ABCC5: variants seen among roughly 807,000 people sequenced by gnomAD.
ABCC5 encodes ATP-binding cassette sub-family C member 5.
ABCC5 carries 61 observed loss-of-function variants against 160.9 expected under a neutral mutation model. The ratio of observed to expected loss-of-function variants is 0.38; its 90% CI spans 0.31 to 0.47. The LOEUF (loss-of-function observed/expected upper bound fraction) is 0.47. ABCC5 is among the 20% of genes least tolerant of loss of function. The probability of loss-of-function intolerance (pLI) is 0.99; values close to 1 mark genes in which losing one functional copy is unlikely to be tolerated. For synonymous variants in ABCC5, 666 were observed against 700.6 expected, an observed-to-expected ratio of 0.95 and a Z score of 0.78; for missense variants, 1,308 against 1,813.3, an observed-to-expected ratio of 0.72 and a Z score of 5.06.
intron 15 of ABCC5, 45 bp from the exon 16 acceptor site, chr3:183,961,699 T>C: frequency 1.2e-6 from 2 of 1,609,428 alleles, no homozygotes; most frequent in East Asian, 2.2e-5. Context: ...TTTGTGCAAA[T>C]ACATTCAAAA....
Position 183,928,258 on chromosome 3 carries a change from C to T in ABCC5, c.3933+489G>A, listed in dbSNP as rs1712802475. Among the ~76,000 whole-genome samples, 2 of 152,072 alleles carry T rather than the reference C, an allele frequency of 1.3e-5. 1 individual carries two copies. On this transcript the variant is annotated intron_variant, in intron 27 of 29. Transcript: ENST00000334444. ...TCCTGAGTAGCTGGGATTACAGGTG[C>T]ATGCCACCACACCCGGCTAATTTTT...
intron 14 of ABCC5, among the ~76,000 whole-genome samples, chr3:183,964,909 T>TA (rs1350346881): frequency 6.6e-6 from 1 of 152,198 alleles, no homozygotes; most frequent in African/African-American, 2.4e-5. Flanking sequence ...CTTGTAGTTT[T>TA]AAAAATATCT....
At position 183,920,661 on chromosome 3, in the gene ABCC5, A is replaced by C. The variant is rs1711884003; in HGVS notation, c.*639T>G. 1 of 152,676 alleles carries C rather than the reference A, an allele frequency of 6.5e-6. No homozygotes were observed. The highest frequency in any genetic ancestry group is 2.4e-5 in the African/African-American group (1 of 41,460). The allele number at this position is 152,676 out of a possible 1,614,324, so 9.5% of individuals were successfully genotyped here. ...CAGAAGGCAGGAGCCCTGAGAACTC[A>C]CGGCGCTCTGCATGGTCTCCAGCCG... is the stretch of plus-strand genomic sequence containing the variant. On this transcript the variant is annotated 3_prime_UTR_variant, in exon 30 of 30. Transcript: ENST00000334444. The surrounding 1 kb of genome is among the most constrained non-coding windows in gnomAD (Gnocchi z 4.1).
chr3:183,932,306 A>C (rs754058927), intron 26 of ABCC5, among the ~76,000 whole-genome samples: 2 of 152,204 alleles, frequency 1.3e-5, no homozygotes, highest in Non-Finnish European at 2.9e-5. Context: ...AGGTGAAAAA[A>C]GTTAAGAGGA....
intron 10 of ABCC5, among the ~76,000 whole-genome samples, chr3:183,976,463 C>T (rs1343919431): frequency 1.3e-5 from 2 of 151,956 alleles, no homozygotes; most frequent in Non-Finnish European, 2.9e-5. Flanking sequence ...CTGTGTTGCC[C>T]AGGCTGGTCT....
intron 1 of ABCC5, among the ~76,000 whole-genome samples, chr3:184,016,793 T>C (rs1722228655): frequency 1.3e-5 from 2 of 152,160 alleles, no homozygotes; most frequent in Admixed American, 6.5e-5. Flanking sequence ...GCTGCCCTTT[T>C]TTACCAAGAT....
chr3:183,995,206 T>A (rs1184708051), intron 2 of ABCC5, among the ~76,000 whole-genome samples: 2 of 152,152 alleles, frequency 1.3e-5, no homozygotes, highest in Non-Finnish European at 2.9e-5. Flanking sequence ...CTTTGTCATA[T>A]GATTTGCAAA....
chr3:183,958,907 A>G (rs916788876), intron 17 of ABCC5, among the ~76,000 whole-genome samples: 15 of 152,140 alleles, frequency 9.9e-5, no homozygotes, highest in African/African-American at 3.6e-4. Flanking sequence ...GACCTCCTGC[A>G]GTTTTAAGGA....
At chr3:183,957,776 GTAAATC>G (rs1716292573) in intron 17 of ABCC5, among the ~76,000 whole-genome samples, 1 of 148,726 alleles carries the variant, frequency 6.7e-6, no homozygotes, top group African/African-American at 2.5e-5. Flanking sequence ...TCGGTTACAC[GTAAATC>G]CGTGTGTATA....
Position 183,977,562 on chromosome 3 carries a change from T to G in ABCC5, c.1359A>C (p.Ser453=), listed in dbSNP as rs1206973673. Residue 453 remains serine, a synonymous_variant, in exon 10 of 30, where the codon TCA becomes TCC. Transcript: ENST00000334444. Reference sequence around the variant, plus strand: ...CTGAGGCTTCTGAGAGGGACTTTACTGAAAACGGTGTTACTTTCAAAGCAA... The same window carrying G: ...CTGAGGCTTCTGAGAGGGACTTTACGGAAAACGGTGTTACTTTCAAAGCAA... The part of the protein sequence containing the change: ...MTFALKVTPF[S]VKSLSEASVA... The G allele has an allele frequency of 3.1e-6, 5 of 1,613,982 alleles. No individual in the cohort carries two copies. The African/African-American group carries it at 6.7e-5, about 22-fold the overall frequency.
rs1054309888 is a variant in ABCC5 at position 183,946,377 on chromosome 3, T to C, written c.3415-438A>G. On this transcript the variant is annotated intron_variant, in intron 23 of 29. Coordinates refer to ENST00000334444, the MANE Select transcript of ABCC5 (RefSeq NM_005688.4). ...ATGAGTGAGTCTGGAGCCCCTGTGCTCCATAGACTGCGGAGTCTAAAAACA... is the reference window on the plus strand; with the variant it reads ...ATGAGTGAGTCTGGAGCCCCTGTGCCCCATAGACTGCGGAGTCTAAAAACA... Among the ~76,000 whole-genome samples, 5 of 152,270 alleles carry C rather than the reference T, an allele frequency of 3.3e-5. No homozygotes were observed. The South Asian group carries it at 8.3e-4, about 25-fold the overall frequency.
intron 16 of ABCC5, among the ~76,000 whole-genome samples, chr3:183,961,114 T>C (rs1302064379): frequency 6.6e-6 from 1 of 152,138 alleles, no homozygotes; most frequent in African/African-American, 2.4e-5. Context: ...GTATGCAATA[T>C]TTAATTTCCC....
chr3:184,005,808 G>A (rs892049681), intron 2 of ABCC5, among the ~76,000 whole-genome samples: 2 of 151,422 alleles, frequency 1.3e-5, no homozygotes, highest in Non-Finnish European at 2.9e-5. Flanking sequence ...AAGCATTAAC[G>A]GAAACCCACC....
chr3:184,014,364 T>A lies in ABCC5; in HGVS notation c.29A>T (p.Tyr10Phe). ...TCTATACCCAGGACTGGGGATGATA[T>A]ACTCTTTTCCTATGTCGATATCCTT... Reference protein sequence around the residue: MKDIDIGKEYIIPSPGYRSV... With the variant: MKDIDIGKEFIIPSPGYRSV... The change falls in exon 2 of 30, where the codon TAT (tyrosine) becomes TTT (phenylalanine). Residue 10 changes from tyrosine (Y) to phenylalanine (F), a missense_variant. Tyr to Phe is a conservative substitution (Grantham distance 22). Coordinates refer to ENST00000334444, the MANE Select transcript of ABCC5 (RefSeq NM_005688.4). 6.2e-7 allele frequency: 1 copy of A among 1,613,810 alleles called. No homozygotes were observed. Among genetic ancestry groups the A allele is most frequent in the Non-Finnish European group, 8.5e-7 (1 of 1,179,786 alleles).
chr3:183,923,995 A>G (rs1211918673), intron 29 of ABCC5, among the ~76,000 whole-genome samples: 4 of 129,462 alleles, frequency 3.1e-5, no homozygotes, highest in Non-Finnish European at 6.5e-5. Context: ...AAATCCCACC[A>G]ATTTTTACTG....
At position 183,988,850 on chromosome 3, in the gene ABCC5, A is replaced by C; in HGVS notation, c.288-123T>G. 2 of 1,151,300 alleles carry C rather than the reference A, an allele frequency of 1.7e-6. No homozygotes were observed. The highest frequency in any genetic ancestry group is 1.6e-5 in the South Asian group (1 of 62,552). 71.3% of individuals were successfully genotyped at this position (1,151,300 alleles called of 1,614,324 possible). On this transcript the variant is annotated intron_variant, in intron 3 of 29. Coordinates refer to ENST00000334444, the MANE Select transcript of ABCC5 (RefSeq NM_005688.4). The surrounding 1 kb of genome is among the most constrained non-coding windows in gnomAD (Gnocchi z 4.4). ...AAGACCAGTCTCCCCAGATGATCTA[A>C]TCTTAGCCTGAATGTTCTAAAACGG...
At chr3:183,979,927 G>A (rs1718563710) in intron 8 of ABCC5, among the ~76,000 whole-genome samples, 1 of 151,946 alleles carries the variant, frequency 6.6e-6, no homozygotes, top group Non-Finnish European at 1.5e-5. Context: ...CGAGGCTGGA[G>A]TGCAGTGGTG....
At chr3:184,001,214 C>A in intron 2 of ABCC5, 2 of 530,742 alleles carry the variant, frequency 3.8e-6, no homozygotes, top group Non-Finnish European at 3.4e-6. Flanking sequence ...GGTCATGCCA[C>A]CGCACTACAG....
chr3:183,944,530 G>A (rs1714667147), intron 24 of ABCC5, among the ~76,000 whole-genome samples: 1 of 152,198 alleles, frequency 6.6e-6, no homozygotes, highest in South Asian at 2.1e-4. Context: ...ACAGATGCTT[G>A]TAAAGTCTCA....
Sources: allele counts gnomAD v4.1 joint callset (sites outside exome capture counted in the v4.1 genomes callset), GRCh38; gene constraint gnomAD v4.1.1; non-coding constraint Gnocchi (gnomAD v3.1); transcripts MANE v1.5; gene names NCBI Gene and HGNC (gene_info 2026-07-23, HGNC 2026-07-21).